Variants in CAMK1D observed in about 807,000 individuals in gnomAD.
CAMK1D encodes the protein calcium/calmodulin dependent protein kinase ID, also known as calcium/calmodulin-dependent protein kinase type 1D.
A neutral mutation model predicts 47.7 loss-of-function variants in CAMK1D; 9 were observed. The ratio of observed to expected loss-of-function variants is 0.19; its 90% confidence interval spans 0.11 to 0.33. CAMK1D has a LOEUF of 0.33. Among genes scored for constraint, CAMK1D ranks in the 10% least tolerant of loss-of-function variants. The pLI is 1.00. For missense variants in CAMK1D, 291 were observed against 488.7 expected, an observed-to-expected ratio of 0.60 and a Z score of 3.81; for synonymous variants, 184 against 184.9, an observed-to-expected ratio of 0.99 and a Z score of 0.04.
At chr10:12,567,380 G>T (rs1837158135) in intron 2 of CAMK1D, among the ~76,000 whole-genome samples, 1 of 152,164 alleles carries the variant, frequency 6.6e-6, no homozygotes, top group Admixed American at 6.5e-5. Context: ...GAGTCTGGGG[G>T]ACACTGGGTC....
intron 1 of CAMK1D, among the ~76,000 whole-genome samples, chr10:12,362,925 T>C (rs1837719639): frequency 6.7e-6 from 1 of 149,964 alleles, no homozygotes; most frequent in Non-Finnish European, 1.5e-5. Flanking sequence ...ATTACAGGCG[T>C]GAGCCACCCC....
At chr10:12,363,033 C>A (rs1171785418) in intron 1 of CAMK1D, among the ~76,000 whole-genome samples, 1 of 151,516 alleles carries the variant, frequency 6.6e-6, no homozygotes, top group Non-Finnish European at 1.5e-5. Context: ...CTCTTCCTCC[C>A]GGGTACAAGC....
intron 2 of CAMK1D, among the ~76,000 whole-genome samples, chr10:12,661,681 A>G (rs1442860607): frequency 6.6e-6 from 1 of 152,240 alleles, no homozygotes; most frequent in Non-Finnish European, 1.5e-5. Context: ...TGCACTTATC[A>G]CAGAAGAGTC....
intron 1 of CAMK1D, among the ~76,000 whole-genome samples, chr10:12,425,370 C>T (rs572012497): frequency 2.0e-5 from 3 of 151,458 alleles, no homozygotes; most frequent in Non-Finnish European, 4.4e-5. Flanking sequence ...CAACTTCTGG[C>T]GTCTAGGTTC....
At position 12,690,365 on chromosome 10, in the gene CAMK1D, G is replaced by C. The variant is rs55682035; in HGVS notation, c.299+23555G>C. ...TATAAGAAACAATCTGTAGATTGGA[G>C]AGACGCAGCCTCCAGTGTAAAACAG... is the stretch of plus-strand genomic sequence containing the variant. On this transcript the variant is annotated intron_variant, in intron 3 of 10. Transcript: ENST00000619168. Among the ~76,000 whole-genome samples the C allele has an allele frequency of 9.4e-3, 1,433 of 152,276 alleles. 18 individuals carry two copies. Among genetic ancestry groups the C allele is most frequent in the African/African-American group, 0.033 (1,362 of 41,550 alleles).
chr10:12,605,069 A>C (rs996268058), intron 2 of CAMK1D, among the ~76,000 whole-genome samples: 1 of 152,016 alleles, frequency 6.6e-6, no homozygotes, highest in Non-Finnish European at 1.5e-5. Flanking sequence ...TTGTATCTTT[A>C]GTAGAGACGG....
intron 1 of CAMK1D, among the ~76,000 whole-genome samples, chr10:12,529,915 ATG>A (rs1835750799): frequency 6.6e-6 from 1 of 152,178 alleles, no homozygotes; most frequent in African/African-American, 2.4e-5. Flanking sequence ...ACTGAGATGA[ATG>A]TGGATCTCTT....
chr10:12,637,339 A>G (rs1169504677), intron 2 of CAMK1D, among the ~76,000 whole-genome samples: 1 of 152,228 alleles, frequency 6.6e-6, no homozygotes, highest in Non-Finnish European at 1.5e-5. Context: ...AGATACTTCT[A>G]GAACATTCTC....
At chr10:12,638,606 C>T (rs1267521847) in intron 2 of CAMK1D, among the ~76,000 whole-genome samples, 3 of 152,180 alleles carry the variant, frequency 2.0e-5, no homozygotes, top group East Asian at 1.9e-4. Flanking sequence ...TCCTGCAGCA[C>T]TGCACCCTCA....
intron 1 of CAMK1D, among the ~76,000 whole-genome samples, chr10:12,457,160 G>T (rs1353607287): frequency 2.0e-5 from 3 of 152,124 alleles, no homozygotes; most frequent in African/African-American, 7.2e-5. Context: ...GGAAGCCAAG[G>T]TGGGCAGATC....
intron 1 of CAMK1D, among the ~76,000 whole-genome samples, chr10:12,543,557 C>A (rs1394266888): frequency 6.6e-6 from 1 of 152,124 alleles, no homozygotes; most frequent in African/African-American, 2.4e-5. Flanking sequence ...AGTTAAGATG[C>A]TCAGAATGAC....
intron 3 of CAMK1D, among the ~76,000 whole-genome samples, chr10:12,736,595 G>T (rs564259220): frequency 6.6e-6 from 1 of 152,184 alleles, no homozygotes; most frequent in Non-Finnish European, 1.5e-5. Context: ...GAGAATACAT[G>T]AAAAATGAAT....
At chr10:12,427,770 T>G (rs1363005646) in intron 1 of CAMK1D, among the ~76,000 whole-genome samples, 1 of 130,440 alleles carries the variant, frequency 7.7e-6, no homozygotes, top group Non-Finnish European at 1.6e-5. Flanking sequence ...TGCAGTGGCA[T>G]GACCTTGGCT....
chr10:12,566,922 T>C (rs1183451316), intron 2 of CAMK1D, among the ~76,000 whole-genome samples: 1 of 152,212 alleles, frequency 6.6e-6, no homozygotes, highest in African/African-American at 2.4e-5. Context: ...GCAGTGTTTT[T>C]TCCAGCTGCT....
intron 1 of CAMK1D, among the ~76,000 whole-genome samples, chr10:12,463,246 T>G (rs993585788): frequency 6.6e-6 from 1 of 151,860 alleles, no homozygotes; most frequent in African/African-American, 2.4e-5. Flanking sequence ...CAAGTGATTC[T>G]CCTGCTTCAG....
At chr10:12,467,194 G>C (rs568234189) in intron 1 of CAMK1D, among the ~76,000 whole-genome samples, 1 of 151,964 alleles carries the variant, frequency 6.6e-6, no homozygotes, top group East Asian at 1.9e-4. Flanking sequence ...ACTCTGTCAC[G>C]CTGGCTGGAG....
At chr10:12,810,112 G>A (rs1832538123) in intron 6 of CAMK1D, among the ~76,000 whole-genome samples, 1 of 140,236 alleles carries the variant, frequency 7.1e-6, no homozygotes, top group Non-Finnish European at 1.5e-5. Flanking sequence ...TTGCACCTCT[G>A]CATTCCAGTC....
chr10:12,682,779 T>C (rs1057134057), intron 3 of CAMK1D, among the ~76,000 whole-genome samples: 1 of 151,946 alleles, frequency 6.6e-6, no homozygotes, highest in Non-Finnish European at 1.5e-5. Flanking sequence ...AATTAAAAAT[T>C]TGATTGGCCA....
chr10:12,584,336 A>G (rs1837751893), intron 2 of CAMK1D, among the ~76,000 whole-genome samples: 1 of 152,236 alleles, frequency 6.6e-6, no homozygotes, highest in Non-Finnish European at 1.5e-5. Context: ...CGTAGGCCAT[A>G]AATGTGTGAT....
Sources: allele counts gnomAD v4.1 joint callset (sites outside exome capture counted in the v4.1 genomes callset), GRCh38; gene constraint gnomAD v4.1.1; transcripts MANE v1.5; gene names NCBI Gene and HGNC (gene_info 2026-07-23, HGNC 2026-07-21).